The following SNTG2 variants were observed in gnomAD, a reference collection of about 807,000 sequenced individuals.
SNTG2 encodes the protein syntrophin gamma 2, also known as gamma-2-syntrophin.
In SNTG2, 74 loss-of-function variants were observed where a neutral mutation model predicts 70.9. The ratio of observed to expected loss-of-function variants is 1.04; its 90% CI spans 0.86 to 1.27. The LOEUF (loss-of-function observed/expected upper bound fraction) is 1.27. Among genes scored for constraint, SNTG2 ranks in the 50% most tolerant of loss-of-function variants. SNTG2 has a pLI of 0.00. For synonymous variants in SNTG2, 278 were observed against 273.8 expected (o/e 1.02, Z -0.15); for missense variants, 717 against 690.7 (o/e 1.04, Z -0.43).
chr2:1,210,352 A>G (rs887788360), intron 9 of SNTG2: 7 of 152,118 alleles, frequency 4.6e-5, no homozygotes, highest in African/African-American at 1.7e-4. Context: ...GATAAAGTGG[A>G]TGGATGGATG....
intron 1 of SNTG2, among the ~76,000 whole-genome samples, chr2:958,235 C>T (rs939881581): frequency 2.6e-5 from 4 of 152,108 alleles, no homozygotes; most frequent in Non-Finnish European, 4.4e-5. Context: ...GCCCCAAATG[C>T]GTTTCCTTTA....
intron 9 of SNTG2, among the ~76,000 whole-genome samples, chr2:1,221,492 T>C (rs1179737958): frequency 4.0e-4 from 15 of 37,616 alleles, no homozygotes; most frequent in Non-Finnish European, 5.4e-4. Flanking sequence ...TCTCTCTGTC[T>C]CTCTCTGTCT....
rs373017314 is a variant in SNTG2 at position 1,048,093 on chromosome 2, T to C, written c.73-35425T>C. On this transcript the variant is annotated intron_variant, in intron 1 of 16. Coordinates refer to ENST00000308624, the MANE Select transcript of SNTG2 (RefSeq NM_018968.4). ...TTTTAATGTATAAATTTATTCCTTA[T>C]AGTCTTCATCCCTATTTCAATTCTT... Among the ~76,000 whole-genome samples the C allele has an allele frequency of 2.0e-5, 3 of 152,342 alleles. No homozygotes were observed. The South Asian group carries it at 6.2e-4, about 32-fold the overall frequency.
At chr2:994,630 A>G (rs1302439373) in intron 1 of SNTG2, among the ~76,000 whole-genome samples, 2 of 152,030 alleles carry the variant, frequency 1.3e-5, no homozygotes, top group African/African-American at 2.4e-5. Context: ...AGAATTATCC[A>G]TTTCATAATA....
chr2:1,103,766 G>C (rs1572439304), intron 4 of SNTG2, among the ~76,000 whole-genome samples: 1 of 152,160 alleles, frequency 6.6e-6, no homozygotes. Context: ...CGTGCATGCT[G>C]TGATTGCAGG....
intron 7 of SNTG2, among the ~76,000 whole-genome samples, chr2:1,170,425 C>T (rs748310108): frequency 8.5e-5 from 13 of 152,196 alleles, no homozygotes; most frequent in Non-Finnish European, 1.9e-4. Flanking sequence ...AATTTCCTTC[C>T]TGTCTCTTTG....
At chr2:1,157,377 G>A (rs1056251099) in intron 6 of SNTG2, among the ~76,000 whole-genome samples, 2 of 152,210 alleles carry the variant, frequency 1.3e-5, no homozygotes, top group Non-Finnish European at 2.9e-5. Flanking sequence ...CGGCTCGTGC[G>A]CTGGAGTGCA....
chr2:958,331 CT>C (rs1409481758), intron 1 of SNTG2, among the ~76,000 whole-genome samples: 1 of 152,168 alleles, frequency 6.6e-6, no homozygotes, highest in Admixed American at 6.5e-5. Context: ...TTTCTTATAA[CT>C]GAGGTTGTCA....
At chr2:1,114,142 G>T (rs1183800813) in intron 4 of SNTG2, among the ~76,000 whole-genome samples, 3 of 151,634 alleles carry the variant, frequency 2.0e-5, no homozygotes, top group African/African-American at 4.9e-5. Context: ...ACTAAGTGAG[G>T]TTTAACCCTT....
At chr2:1,326,453 G>C (rs1284228485) in intron 16 of SNTG2, among the ~76,000 whole-genome samples, 1 of 152,152 alleles carries the variant, frequency 6.6e-6, no homozygotes, top group Non-Finnish European at 1.5e-5. Context: ...AAGTCACTGA[G>C]AAATAACAGT....
At chr2:1,051,045 T>C (rs1489098473) in intron 1 of SNTG2, among the ~76,000 whole-genome samples, 1 of 152,224 alleles carries the variant, frequency 6.6e-6, no homozygotes, top group East Asian at 1.9e-4. Flanking sequence ...TTATCTGTTT[T>C]CATATCACAT....
chr2:1,148,764 A>G (rs1224231883), intron 6 of SNTG2, among the ~76,000 whole-genome samples: 1 of 152,146 alleles, frequency 6.6e-6, no homozygotes, highest in Admixed American at 6.5e-5. Context: ...CCGGACCCAC[A>G]TAGAGGGGCT....
chr2:1,308,516 G>A lies in SNTG2; in HGVS notation c.1307G>A (p.Trp436Ter). ...RTGSRTYMCSWQGEMLCFTVD... is the reference protein window; with the variant it reads ...RTGSRTYMCS Reference sequence around the variant, plus strand: ...TAGTCCAGAACATACATGTGCAGCTGGCAAGGAGAGATGCTGTGTTTCACG... The same window carrying A: ...TAGTCCAGAACATACATGTGCAGCTAGCAAGGAGAGATGCTGTGTTTCACG... The change falls in exon 15 of 17, where the codon TGG (tryptophan) becomes TAG (stop). Residue 436 changes from tryptophan (W) to a stop codon, truncating the protein, a stop_gained. Coordinates refer to ENST00000308624, the MANE Select transcript of SNTG2 (RefSeq NM_018968.4). LOFTEE classifies it high-confidence loss of function. The A allele has an allele frequency of 6.4e-7, 1 of 1,551,612 alleles. No individual in the cohort carries two copies. Among genetic ancestry groups the A allele is most frequent in the South Asian group, 1.2e-5 (1 of 84,040 alleles).
chr2:1,149,672 G>GTTTTTTTTT (rs1221169268), intron 6 of SNTG2, among the ~76,000 whole-genome samples: 2 of 146,474 alleles, frequency 1.4e-5, no homozygotes, highest in African/African-American at 5.1e-5. Context: ...GTTGATTAGC[G>GTTTTTTTTT]TTTTTTTTTT....
chr2:1,055,242 C>T lies in SNTG2; in HGVS notation c.73-28276C>T, dbSNP rs555425501. ...GAGGAGTGGGAATGTGAGCTTGCCC[C>T]GGCCCAGGCCATCTGCCTGACTGTG... On this transcript the variant is annotated intron_variant, in intron 1 of 16. Coordinates refer to ENST00000308624, the MANE Select transcript of SNTG2 (RefSeq NM_018968.4). 9.1e-4 allele frequency among the ~76,000 whole-genome samples: 138 copies of T among 152,334 alleles called. 1 individual carries two copies. The highest frequency in any genetic ancestry group is 1.5e-3 in the Non-Finnish European group (99 of 68,022).
chr2:1,208,349 G>A (rs114321674), intron 8 of SNTG2, among the ~76,000 whole-genome samples: 1,888 of 131,276 alleles, frequency 0.014, 38 homozygotes, highest in African/African-American at 0.049. Context: ...TGTGAGGCGC[G>A]TTCTTGCCGG....
intron 12 of SNTG2, among the ~76,000 whole-genome samples, chr2:1,253,935 GAGA>G (rs1429507050): frequency 6.6e-6 from 1 of 152,102 alleles, no homozygotes; most frequent in Non-Finnish European, 1.5e-5. Flanking sequence ...ACCATGGCCA[GAGA>G]AGGAGGAAGA....
At chr2:1,210,995 C>T (rs1356957889) in intron 9 of SNTG2, among the ~76,000 whole-genome samples, 3 of 152,144 alleles carry the variant, frequency 2.0e-5, no homozygotes, top group African/African-American at 7.2e-5. Context: ...AATGTATCCC[C>T]ATCATTAAGT....
chr2:986,434 G>T lies in SNTG2; in HGVS notation c.72+35366G>T, dbSNP rs1439112121. On this transcript the variant is annotated intron_variant, in intron 1 of 16. Transcript: ENST00000308624. ...TGACGTGAGTTGAACTAGACTAACA[G>T]ATAATGCTGATTTACCTAAATAGGA... 1.8e-4 allele frequency among the ~76,000 whole-genome samples: 28 copies of T among 152,252 alleles called. 1 individual carries two copies. The highest frequency in any genetic ancestry group is 1.8e-3 in the Admixed American group (28 of 15,290).
Sources: gnomAD v4.1 joint callset for allele counts (sites outside exome capture counted in the v4.1 genomes callset) on GRCh38, gnomAD v4.1.1 for gene constraint, MANE v1.5 for transcripts, NCBI Gene and HGNC (gene_info 2026-07-23, HGNC 2026-07-21) for gene names.